PTPRT: variants seen among roughly 807,000 people sequenced by gnomAD.
The protein encoded by PTPRT is protein tyrosine phosphatase receptor type T.
PTPRT carries 56 observed loss-of-function variants against 176.8 expected under a neutral mutation model. The ratio of observed to expected loss-of-function variants is 0.32; its 90% CI spans 0.26 to 0.40. The LOEUF (loss-of-function observed/expected upper bound fraction) is 0.40, where lower values mean the gene tolerates loss of function less well. Ranked by LOEUF, PTPRT falls within the 10% of genes least tolerant of loss-of-function variation. PTPRT has a pLI of 1.00. For synonymous variants in PTPRT, 783 were observed against 739.0 expected, an observed-to-expected ratio of 1.06 and a Z score of -0.96; for missense variants, 1,540 against 1,908.2, an observed-to-expected ratio of 0.81 and a Z score of 3.60.
At chr20:42,128,943 T>C in intron 18 of PTPRT, 113 bp from the exon 19 acceptor site, 1 of 780,834 alleles carries the variant, frequency 1.3e-6, no homozygotes, top group Non-Finnish European at 1.8e-6. Context: ...TGTGCTACTC[T>C]CATTTAACTC....
intron 25 of PTPRT, 87 bp from the exon 26 acceptor site, chr20:42,102,384 C>T: frequency 1.4e-6 from 2 of 1,428,514 alleles, no homozygotes; most frequent in Non-Finnish European, 1.9e-6. Context: ...CTCAGCCTAA[C>T]TCGCCTATTT....
intron 1 of PTPRT, among the ~76,000 whole-genome samples, chr20:42,890,971 A>C (rs2079182142): frequency 6.6e-6 from 1 of 152,152 alleles, no homozygotes; most frequent in Admixed American, 6.5e-5. Flanking sequence ...CTTGGCTCTC[A>C]TTCTTTCTTG....
At chr20:42,706,914 T>A (rs985798398) in intron 6 of PTPRT, among the ~76,000 whole-genome samples, 1 of 152,200 alleles carries the variant, frequency 6.6e-6, no homozygotes, top group African/African-American at 2.4e-5. Context: ...TTGGCCTTAA[T>A]CCAATTTGGC....
At chr20:42,440,055 C>A (rs528924514) in intron 9 of PTPRT, among the ~76,000 whole-genome samples, 36 of 152,178 alleles carry the variant, frequency 2.4e-4, no homozygotes, top group Middle Eastern at 3.4e-3. Context: ...TACAGGCATG[C>A]GCCACCACAA....
intron 6 of PTPRT, among the ~76,000 whole-genome samples, chr20:42,754,471 G>A (rs574252561): frequency 1.3e-5 from 2 of 152,134 alleles, no homozygotes; most frequent in South Asian, 4.2e-4. Flanking sequence ...TAGAGACGGG[G>A]TTTCACCATG....
intron 1 of PTPRT, among the ~76,000 whole-genome samples, chr20:43,039,739 A>G (rs1328450877): frequency 6.6e-6 from 1 of 152,114 alleles, no homozygotes; most frequent in Non-Finnish European, 1.5e-5. Context: ...ACCATTTACA[A>G]ATAAAAAAGA....
chr20:42,412,152 A>G (rs1386925552), intron 9 of PTPRT, among the ~76,000 whole-genome samples: 1 of 152,250 alleles, frequency 6.6e-6, no homozygotes, highest in Non-Finnish European at 1.5e-5. Flanking sequence ...AAATATATAC[A>G]AAACACACAA....
chr20:42,086,751 A>T (rs2866945), intron 27 of PTPRT, among the ~76,000 whole-genome samples: 83,487 of 96,658 alleles, frequency 0.86, 35,303 homozygotes, highest in Middle Eastern at 0.93. Context: ...AAAAAAAAAA[A>T]AAATATATAT....
At chr20:42,896,496 G>A (rs1049057011) in intron 1 of PTPRT, among the ~76,000 whole-genome samples, 5 of 152,128 alleles carry the variant, frequency 3.3e-5, no homozygotes, top group South Asian at 4.2e-4. Flanking sequence ...TTAGCCAGGC[G>A]TGGTGGCGCA....
chr20:42,106,914 C>A lies in PTPRT; in HGVS notation c.3262G>T (p.Ala1088Ser). ...GPIVVHCSAGAGRTGCFIAID... is the reference protein window; with the variant it reads ...GPIVVHCSAGSGRTGCFIAID... ...GCAATGAAGCAGCCAGTCCGCCCAG[C>A]CCCAGCACTGGAAGAGAGGTATGGT... Residue 1088 changes from alanine to serine, a missense_variant, in exon 24 of 31, where the codon GCT (alanine) becomes TCT (serine). This residue lies in a region of PTPRT where 248 missense variants were observed against 356.7 expected (regional missense o/e 0.70). Transcript: ENST00000373187. 6.2e-7 allele frequency: 1 copy of A among 1,614,012 alleles called. No individual in the cohort carries two copies. The highest frequency in any genetic ancestry group is 8.5e-7 in the Non-Finnish European group (1 of 1,179,924).
rs2074115778 is a variant in PTPRT, at chr20:42,618,068, TGGGCATTTA to T, written c.1153+59789_1153+59797del. 2.2e-5 allele frequency among the ~76,000 whole-genome samples: 3 copies of T among 137,342 alleles called. 1 individual carries two copies. Among genetic ancestry groups the T allele is most frequent in the Non-Finnish European group, 3.1e-5 (2 of 65,474 alleles). 90.1% of individuals were successfully genotyped at this position (137,342 alleles called of 152,430 possible). A position where few individuals can be genotyped will look rare whatever the true frequency, so the allele number is the denominator to read the frequency against. On this transcript the variant is annotated intron_variant, in intron 7 of 30. Transcript: ENST00000373187. ...TTTGGATCTTTCCTGCTTTCTCTTG[TGGGCATTTA>T]GTGCTAGAAATTTCCCTCTACACAC...
chr20:42,063,274 C>T, the PTPRT span, among the ~76,000 whole-genome samples: 2 of 152,190 alleles, frequency 1.3e-5, no homozygotes, highest in African/African-American at 2.4e-5. Context: ...AAGGCACCCA[C>T]AGTCTGTTTG....
chr20:42,726,664 C>A (rs540876683), intron 6 of PTPRT, among the ~76,000 whole-genome samples: 2 of 152,230 alleles, frequency 1.3e-5, no homozygotes, highest in East Asian at 1.9e-4. Flanking sequence ...ACTATCTGGT[C>A]CCCATGCTGA....
chr20:42,735,427 A>G (rs2076524548), intron 6 of PTPRT, among the ~76,000 whole-genome samples: 1 of 87,522 alleles, frequency 1.1e-5, no homozygotes, highest in South Asian at 3.9e-4. Flanking sequence ...CCTTACTCTA[A>G]TTCTAGATTA....
intron 6 of PTPRT, among the ~76,000 whole-genome samples, chr20:42,744,737 G>GA (rs1247013203): frequency 6.6e-6 from 1 of 152,186 alleles, no homozygotes; most frequent in Non-Finnish European, 1.5e-5. Context: ...TCAATCTTTT[G>GA]ACTCTCCCCT....
intron 1 of PTPRT, among the ~76,000 whole-genome samples, chr20:43,052,698 C>T (rs2425572): frequency 0.38 from 57,180 of 152,076 alleles, 14,148 homozygotes; most frequent in African/African-American, 0.7. Flanking sequence ...TAGTTTCTGG[C>T]GTAATCACAG....
chr20:43,024,728 C>A (rs999440905), intron 1 of PTPRT, among the ~76,000 whole-genome samples: 2 of 152,204 alleles, frequency 1.3e-5, no homozygotes, highest in African/African-American at 4.8e-5. Flanking sequence ...TGGGCCTGCC[C>A]AATGTCCAGT....
At chr20:42,495,058 T>C (rs2071629359) in intron 7 of PTPRT, among the ~76,000 whole-genome samples, 1 of 152,194 alleles carries the variant, frequency 6.6e-6, no homozygotes, top group African/African-American at 2.4e-5. Context: ...ACATTTCTTG[T>C]CTTCCTCACT....
intron 9 of PTPRT, among the ~76,000 whole-genome samples, chr20:42,393,577 C>T (rs982740059): frequency 6.6e-6 from 1 of 152,198 alleles, no homozygotes; most frequent in Admixed American, 6.5e-5. Context: ...TTCTCAATAA[C>T]ACACAAGTTG....
Sources: allele counts gnomAD v4.1 joint callset (sites outside exome capture counted in the v4.1 genomes callset), GRCh38; gene constraint gnomAD v4.1.1; regional missense constraint gnomAD v4.1.1; transcripts MANE v1.5; gene names NCBI Gene and HGNC (gene_info 2026-07-23, HGNC 2026-07-21).